Variants in TNFRSF19 observed in about 807,000 individuals in gnomAD.
The protein encoded by TNFRSF19 is tumor necrosis factor receptor superfamily member 19.
A neutral mutation model predicts 46.4 loss-of-function variants in TNFRSF19; 27 were observed. The observed-to-expected ratio is 0.58, with a 90% CI of 0.43 to 0.80. The LOEUF is 0.80. Ranked by LOEUF, TNFRSF19 falls within the 30% of genes least tolerant of loss-of-function variation. The pLI, the probability that TNFRSF19 is intolerant of heterozygous loss-of-function variation, is 0.00. For synonymous variants in TNFRSF19, 204 were observed against 205.0 expected, an observed-to-expected ratio of 1.00 and a Z score of 0.04; for missense variants, 511 against 530.8, an observed-to-expected ratio of 0.96 and a Z score of 0.37.
Position 23,603,928 on chromosome 13 carries a change from G to C in TNFRSF19, c.180+10473G>C, listed in dbSNP as rs148655447. Among the ~76,000 whole-genome samples the C allele has an allele frequency of 3.0e-3, 461 of 152,030 alleles. 3 individuals are homozygous for C. The highest frequency in any genetic ancestry group is 0.011 in the African/African-American group (439 of 41,486). On this transcript the variant is annotated intron_variant, in intron 3 of 9. Transcript: ENST00000248484. ...ATGGAAACTAGAAGCTTTCCACTAA[G>C]ATCAGGAACAAGGCAAGGATGTTCC...
chr13:23,672,279 C>A (rs923947540), intron 9 of TNFRSF19, among the ~76,000 whole-genome samples: 1 of 152,072 alleles, frequency 6.6e-6, no homozygotes, highest in Non-Finnish European at 1.5e-5. Context: ...CAGAAGGGAA[C>A]AAAACTGAGA....
chr13:23,657,990 G>A (rs1465929537), intron 5 of TNFRSF19, among the ~76,000 whole-genome samples: 1 of 152,148 alleles, frequency 6.6e-6, no homozygotes, highest in African/African-American at 2.4e-5. Context: ...AGCAGAGTGA[G>A]GGCCCCTCAG....
intron 5 of TNFRSF19, 133 bp downstream of exon 5, chr13:23,626,925 T>G (rs1448220861): frequency 8.0e-6 from 6 of 746,192 alleles, no homozygotes; most frequent in Non-Finnish European, 1.3e-5. Flanking sequence ...GTGTCCTCTT[T>G]AATCAGGCTT....
chr13:23,633,235 C>T (rs932816075), intron 5 of TNFRSF19, among the ~76,000 whole-genome samples: 4 of 152,000 alleles, frequency 2.6e-5, no homozygotes, highest in Non-Finnish European at 5.9e-5. Flanking sequence ...ACCTCAGCCT[C>T]CTGAGTAGCT....
chr13:23,650,121 A>G (rs1466436846), intron 5 of TNFRSF19, among the ~76,000 whole-genome samples: 1 of 152,220 alleles, frequency 6.6e-6, no homozygotes, highest in East Asian at 1.9e-4. Flanking sequence ...CTCTTCTGGC[A>G]TAAAATCCCT....
chr13:23,633,603 C>G (rs983372821), intron 5 of TNFRSF19, among the ~76,000 whole-genome samples: 1 of 152,174 alleles, frequency 6.6e-6, no homozygotes, highest in Non-Finnish European at 1.5e-5. Context: ...AATCCCAGCA[C>G]TTTGGGTGGC....
intron 4 of TNFRSF19, among the ~76,000 whole-genome samples, chr13:23,620,851 C>T (rs916348745): frequency 3.3e-5 from 5 of 152,196 alleles, no homozygotes; most frequent in African/African-American, 1.2e-4. Flanking sequence ...TTTGCTTCTT[C>T]TGGTGACAAT....
chr13:23,652,270 A>C (rs1883698401), intron 5 of TNFRSF19, among the ~76,000 whole-genome samples: 1 of 152,186 alleles, frequency 6.6e-6, no homozygotes, highest in South Asian at 2.1e-4. Flanking sequence ...ATTTGGTAAA[A>C]TGATGTGAAT....
intron 4 of TNFRSF19, among the ~76,000 whole-genome samples, chr13:23,625,620 G>A (rs138366924): frequency 1.4e-3 from 212 of 152,148 alleles, no homozygotes; most frequent in Middle Eastern, 3.4e-3. Flanking sequence ...GAGCCCCCGC[G>A]CCCGGCCTGT....
rs531581478 is a variant in TNFRSF19 at position 23,669,258 on chromosome 13, A to T, written c.1245+161A>T. 8.4e-5 allele frequency: 118 copies of T among 1,408,294 alleles called. 1 individual carries two copies. The highest frequency in any genetic ancestry group is 1.7e-5 in the South Asian group (1 of 59,072). The allele number at this position is 1,408,294 out of a possible 1,614,324, so 87.2% of individuals were successfully genotyped here. ...GTATGTTTTAAAATAAATTTCAAGTATTTTTTTAAAAAACTAACACAGCTA... is the reference window on the plus strand; with the variant it reads ...GTATGTTTTAAAATAAATTTCAAGTTTTTTTTTAAAAAACTAACACAGCTA... On this transcript the variant is annotated intron_variant, in intron 9 of 9. Coordinates refer to ENST00000248484, the MANE Select transcript of TNFRSF19 (RefSeq NM_148957.4).
At chr13:23,646,244 C>T (rs1327168422) in intron 5 of TNFRSF19, among the ~76,000 whole-genome samples, 1 of 152,212 alleles carries the variant, frequency 6.6e-6, no homozygotes, top group East Asian at 1.9e-4. Flanking sequence ...CCCCCCCAAT[C>T]ACTTCCTATT....
intron 1 of TNFRSF19, among the ~76,000 whole-genome samples, chr13:23,584,261 G>A (rs529347495): frequency 5.3e-5 from 8 of 151,796 alleles, no homozygotes; most frequent in African/African-American, 1.9e-4. Context: ...AAAGTCCATT[G>A]TATCATTTTT....
intron 5 of TNFRSF19, among the ~76,000 whole-genome samples, chr13:23,634,905 A>G (rs920301001): frequency 1.3e-5 from 2 of 152,144 alleles, no homozygotes; most frequent in Non-Finnish European, 2.9e-5. Context: ...TAGGGGGTTT[A>G]CTTGAGTACC....
At chr13:23,641,984 T>A (rs965935810) in intron 5 of TNFRSF19, among the ~76,000 whole-genome samples, 2 of 152,312 alleles carry the variant, frequency 1.3e-5, no homozygotes, top group East Asian at 3.9e-4. Flanking sequence ...ATGTTGAATA[T>A]CCCATGTAAC....
intron 7 of TNFRSF19, among the ~76,000 whole-genome samples, chr13:23,661,621 G>A (rs922401123): frequency 2.0e-5 from 3 of 152,180 alleles, no homozygotes; most frequent in African/African-American, 7.2e-5. Flanking sequence ...TTGCCACACT[G>A]CTTTCTACAA....
chr13:23,601,267 C>G (rs1292329555), intron 3 of TNFRSF19, among the ~76,000 whole-genome samples: 3 of 151,996 alleles, frequency 2.0e-5, no homozygotes, highest in Non-Finnish European at 4.4e-5. Flanking sequence ...GCCATATGTA[C>G]AGAGGAGCAG....
chr13:23,614,505 A>C (rs895117798), intron 3 of TNFRSF19, among the ~76,000 whole-genome samples: 1 of 152,126 alleles, frequency 6.6e-6, no homozygotes, highest in African/African-American at 2.4e-5. Flanking sequence ...CTTGCATTTT[A>C]GCATCCAGGG....
At chr13:23,603,324 A>G (rs912394743) in intron 3 of TNFRSF19, among the ~76,000 whole-genome samples, 1 of 152,084 alleles carries the variant, frequency 6.6e-6, no homozygotes, top group African/African-American at 2.4e-5. Flanking sequence ...GAAGAAATTG[A>G]ATCAATAATT....
At chr13:23,608,927 G>A (rs1285204502) in intron 3 of TNFRSF19, among the ~76,000 whole-genome samples, 2 of 152,152 alleles carry the variant, frequency 1.3e-5, no homozygotes, top group Admixed American at 6.5e-5. Context: ...CTTGCCACCA[G>A]TTCCCGACCC....
Sources: allele counts gnomAD v4.1 joint callset (sites outside exome capture counted in the v4.1 genomes callset), GRCh38; gene constraint gnomAD v4.1.1; transcripts MANE v1.5; gene names NCBI Gene and HGNC (gene_info 2026-07-23, HGNC 2026-07-21).